PCDHA8: variants seen among roughly 807,000 people sequenced by gnomAD.
PCDHA8 encodes protocadherin alpha-8.
A neutral mutation model predicts 61.8 loss-of-function variants in PCDHA8; 53 were observed. That is an observed-to-expected ratio of 0.86 (90% CI 0.69 to 1.08). The LOEUF is 1.08. Among genes scored for constraint, PCDHA8 ranks in the 50% least tolerant of loss-of-function variants. The pLI, the probability that PCDHA8 is intolerant of heterozygous loss-of-function variation, is 0.00. For missense variants in PCDHA8, 1,293 were observed against 1,245.0 expected (o/e 1.04, Z -0.58); for synonymous variants, 618 against 556.6 (o/e 1.11, Z -1.55).
intron 1 of PCDHA8, among the ~76,000 whole-genome samples, chr5:140,938,703 T>A: frequency 6.6e-6 from 1 of 152,170 alleles, no homozygotes; most frequent in East Asian, 1.9e-4. Flanking sequence ...AAATATATGT[T>A]TATGATAGAA....
chr5:140,982,526 T>A lies in PCDHA8; in HGVS notation c.2505T>A (p.Pro835=). Residue 835 remains proline (P), a synonymous_variant, in exon 3 of 4, where the codon CCT becomes CCA. Coordinates refer to ENST00000531613, the MANE Select transcript of PCDHA8 (RefSeq NM_018911.3). ...TTCTACGGGCTGGTCCAGGAGGGCC[T>A]GATCAGCAGTGGCCAACAGTATCCA... ...AGILRAGPGG[P]DQQWPTVSSA... is the part of the protein sequence containing the mutation. 1.2e-6 allele frequency: 2 copies of A among 1,614,192 alleles called. No individual in the cohort carries two copies. Among genetic ancestry groups the A allele is most frequent in the Non-Finnish European group, 1.7e-6 (2 of 1,180,028 alleles).
intron 1 of PCDHA8, among the ~76,000 whole-genome samples, chr5:140,957,571 G>A (rs2095367794): frequency 6.6e-6 from 1 of 152,068 alleles, no homozygotes; most frequent in African/African-American, 2.4e-5. Flanking sequence ...AGGGACTACT[G>A]TACTTTTAAC....
In PCDHA8 at chr5:140,967,905, C is replaced by G. The variant is rs782291807; in HGVS notation, c.2395-11044C>G. ...AGCCCAGTGCCTGAGAATGCTACAC[C>G]CAACACCATTGTGGCCGTTCTCAGT... is the stretch of plus-strand genomic sequence containing the variant. On this transcript the variant is annotated intron_variant, in intron 1 of 3. Transcript: ENST00000531613. 36 of 1,614,168 alleles carry G rather than the reference C, an allele frequency of 2.2e-5. No homozygotes were observed. Among genetic ancestry groups the G allele is most frequent in the Non-Finnish European group, 2.8e-5 (33 of 1,180,028 alleles).
In PCDHA8 at chr5:141,010,151, C is replaced by T. The variant is rs1554262715; in HGVS notation, c.*214C>T. 1 of 1,578,076 alleles carries T rather than the reference C, an allele frequency of 6.3e-7. No homozygotes were observed. Among genetic ancestry groups the T allele is most frequent in the South Asian group, 1.1e-5 (1 of 87,432 alleles). On this transcript the variant is annotated 3_prime_UTR_variant, in exon 4 of 4. Transcript: ENST00000531613. The stretch of plus-strand genomic sequence containing the variant: ...CTGGTGTTAACTCTTTCTCTCCACT[C>T]TGGCTTGTTTTCAGAACCTAAAAAG...
intron 3 of PCDHA8, among the ~76,000 whole-genome samples, chr5:140,999,340 C>T (rs903484891): frequency 2.6e-5 from 4 of 152,146 alleles, no homozygotes; most frequent in African/African-American, 4.8e-5. Flanking sequence ...ATTTATAAGC[C>T]TTGTCTCTTT....
At position 140,850,416 on chromosome 5, in the gene PCDHA8, G is replaced by A. The variant is rs2150483366; in HGVS notation, c.2394+6701G>A. 14 of 1,598,000 alleles carry A rather than the reference G, an allele frequency of 8.8e-6. 2 individuals are homozygous for A. In the Admixed American group the frequency reaches 2.0e-4, roughly 23 times the overall value. Reference sequence around the variant, plus strand: ...CACAACGCGTGCCCTGGACGAAACGGACGCACCGCGCCAGCGCCTACTGGT... The same window carrying A: ...CACAACGCGTGCCCTGGACGAAACGAACGCACCGCGCCAGCGCCTACTGGT... On this transcript the variant is annotated intron_variant, in intron 1 of 3. Transcript: ENST00000531613.
intron 1 of PCDHA8, 86 bp downstream of exon 1, chr5:140,843,801 C>T: frequency 7.6e-7 from 1 of 1,311,536 alleles, no homozygotes; most frequent in Non-Finnish European, 1.1e-6. Context: ...AGTTTTTCAC[C>T]GTATTTTATA....
intron 1 of PCDHA8, among the ~76,000 whole-genome samples, chr5:140,886,928 C>T (rs2061230435): frequency 6.6e-6 from 1 of 151,686 alleles, no homozygotes; most frequent in African/African-American, 2.4e-5. Flanking sequence ...TCTCTATGTG[C>T]CAGGCATGTT....
At chr5:141,001,908 G>T (rs2098043431) in intron 3 of PCDHA8, among the ~76,000 whole-genome samples, 1 of 152,198 alleles carries the variant, frequency 6.6e-6, no homozygotes, top group Non-Finnish European at 1.5e-5. Flanking sequence ...GTTTGAAAAA[G>T]ACTGCAGTGG....
intron 1 of PCDHA8, among the ~76,000 whole-genome samples, chr5:140,908,903 C>T (rs116633080): frequency 2.5e-3 from 374 of 152,278 alleles, no homozygotes; most frequent in African/African-American, 8.5e-3. Context: ...AAGCCTCTTT[C>T]GTGGTTGTAG....
chr5:140,924,902 AAAATAAAAT>A (rs1211271652), intron 1 of PCDHA8, among the ~76,000 whole-genome samples: 3 of 39,024 alleles, frequency 7.7e-5, no homozygotes, highest in African/African-American at 2.3e-4. Context: ...CTCAAAAAAA[AAAATAAAAT>A]AAAATAAAAT....
Position 141,004,229 on chromosome 5 carries a change from T to G in PCDHA8, c.2543-5398T>G, listed in dbSNP as rs368330742. On this transcript the variant is annotated intron_variant, in intron 3 of 3. Transcript: ENST00000531613. ...AGATTAGGAGGTCAGTCAGTGTTTG[T>G]CAGATCCTTAAGCTTTTGTTTTACT... Among the ~76,000 whole-genome samples, 5 of 152,250 alleles carry G rather than the reference T, an allele frequency of 3.3e-5. No individual in the cohort carries two copies. The East Asian group carries it at 7.7e-4, about 23-fold the overall frequency.
At chr5:140,876,668 C>T (rs2056489032) in intron 1 of PCDHA8, 1 of 1,614,198 alleles carries the variant, frequency 6.2e-7, no homozygotes, top group Non-Finnish European at 8.5e-7. Flanking sequence ...AAGCTGGTGT[C>T]CACCTACAAG....
chr5:140,895,614 A>T (rs185386474), intron 1 of PCDHA8, among the ~76,000 whole-genome samples: 101 of 152,212 alleles, frequency 6.6e-4, no homozygotes, highest in African/African-American at 2.4e-3. Context: ...TTTCTCATTG[A>T]GGGTGTTGTC....
At chr5:140,936,242 T>C (rs2090852443) in intron 1 of PCDHA8, among the ~76,000 whole-genome samples, 1 of 152,196 alleles carries the variant, frequency 6.6e-6, no homozygotes, top group African/African-American at 2.4e-5. Flanking sequence ...AAAGAAAACA[T>C]ATCCTGCTTC....
chr5:140,848,874 A>G (rs2040648635), intron 1 of PCDHA8: 2 of 1,590,884 alleles, frequency 1.3e-6, no homozygotes, highest in East Asian at 2.2e-5. Flanking sequence ...GAAGGACATT[A>G]ACGACAACCC....
chr5:140,932,712 A>G (rs1025750078), intron 1 of PCDHA8, among the ~76,000 whole-genome samples: 4 of 151,972 alleles, frequency 2.6e-5, no homozygotes, highest in African/African-American at 9.6e-5. Context: ...AGACAACACA[A>G]TAATATTGTA....
chr5:140,972,773 T>C (rs201511055), intron 1 of PCDHA8, among the ~76,000 whole-genome samples: 2 of 151,600 alleles, frequency 1.3e-5, no homozygotes, highest in African/African-American at 2.4e-5. Context: ...AAGTGATTCT[T>C]CTGCCTCAGC....
intron 1 of PCDHA8, among the ~76,000 whole-genome samples, chr5:140,943,614 A>G (rs1269579212): frequency 6.6e-6 from 1 of 152,220 alleles, no homozygotes; most frequent in Admixed American, 6.5e-5. Context: ...ACTTTGATTC[A>G]TCTGCATAAG....
Sources: gnomAD v4.1 joint callset for allele counts (sites outside exome capture counted in the v4.1 genomes callset) on GRCh38, gnomAD v4.1.1 for gene constraint, MANE v1.5 for transcripts, NCBI Gene and HGNC (gene_info 2026-07-23, HGNC 2026-07-21) for gene names.